The following XKRX variants were observed in gnomAD, a reference collection of about 807,000 sequenced individuals.
The protein encoded by XKRX is XK-related protein 2.
Under a neutral mutation model 22.4 loss-of-function variants are expected in XKRX, and 11 were observed. The ratio of observed to expected loss-of-function variants is 0.49; its 90% CI spans 0.31 to 0.81. The LOEUF is 0.81. Among genes scored for constraint, XKRX ranks in the 40% least tolerant of loss-of-function variants. The pLI, the probability that XKRX is intolerant of heterozygous loss-of-function variation, is 0.05. For synonymous variants in XKRX, 114 were observed against 132.2 expected, an observed-to-expected ratio of 0.86 and a Z score of 0.94; for missense variants, 320 against 336.5, an observed-to-expected ratio of 0.95 and a Z score of 0.38.
Position 100,923,035 on chromosome X carries a change from A to T in XKRX, c.362T>A (p.Leu121His). The T allele has an allele frequency of 1.7e-6, 2 of 1,211,737 alleles. No individual in the cohort carries two copies. Among genetic ancestry groups the T allele is most frequent in the South Asian group, 3.5e-5 (2 of 56,978 alleles). The change falls in exon 2 of 3, where the codon CTC becomes CAC. Residue 121 changes from leucine to histidine, a missense_variant. Physicochemically the swap from Leu to His is moderately conservative, Grantham distance 99. Transcript: ENST00000372956. ...IRCLEAMIKY[L>H]TLWKKEEQEE... ...CTGCTCCTCTTTCTTCCACAGTGTGAGGTACTTAATCATGGCCTCCAAACA... is the reference window on the plus strand; with the variant it reads ...CTGCTCCTCTTTCTTCCACAGTGTGTGGTACTTAATCATGGCCTCCAAACA...
At chrX:100,931,206 C>T (rs2085520934), upstream of XKRX, among the ~76,000 whole-genome samples, 2 of 109,597 alleles carry the variant, frequency 1.8e-5, no homozygotes, top group East Asian at 5.8e-4. Flanking sequence ...ATGTAGAATC[C>T]CAACGTTTAC....
intron 2 of XKRX, among the ~76,000 whole-genome samples, chrX:100,916,219 T>C (rs1469871406): frequency 9.0e-6 from 1 of 111,317 alleles, no homozygotes; most frequent in African/African-American, 3.3e-5. Context: ...ACACCTTGAA[T>C]ATATACAATA....
At chrX:100,896,971 T>C in the XKRX span, among the ~76,000 whole-genome samples, 1 of 112,287 alleles carries the variant, frequency 8.9e-6, no homozygotes, top group Non-Finnish European at 1.9e-5. Context: ...TAGAATACCT[T>C]CAAATTACTT....
At chrX:100,957,380 T>C in the XKRX span, 1 of 1,207,211 alleles carries the variant, frequency 8.3e-7, no homozygotes, top group Non-Finnish European at 1.1e-6. Context: ...AAAAACGCTG[T>C]GCTGATGAGC....
At chrX:100,959,316 T>C in the XKRX span, among the ~76,000 whole-genome samples, 2 of 111,721 alleles carry the variant, frequency 1.8e-5, no homozygotes, top group Admixed American at 9.6e-5. Context: ...CCAGAAAAAA[T>C]AAATTTTTAA....
chrX:100,913,757 T>C lies in XKRX; in HGVS notation c.*581A>G, dbSNP rs763084735. 59 of 113,299 alleles carry C rather than the reference T, an allele frequency of 5.2e-4. 1 individual carries two copies. The highest frequency in any genetic ancestry group is 1.8e-3 in the African/African-American group (56 of 31,046). The allele number at this position is 113,299 out of a possible 1,213,427, so 9.3% of individuals were successfully genotyped here. On this transcript the variant is annotated 3_prime_UTR_variant, in exon 3 of 3. Coordinates refer to ENST00000372956, the MANE Select transcript of XKRX (RefSeq NM_212559.3). ...AGAGAGGTCCTTGCTGAATGGCCAC[T>C]AGTAAAATCCTAACAGAGAGCTAAT... is the stretch of plus-strand genomic sequence containing the variant.
At chrX:100,908,387 G>A in the XKRX span, among the ~76,000 whole-genome samples, 145 of 111,592 alleles carry the variant, frequency 1.3e-3, no homozygotes, top group African/African-American at 4.6e-3. Context: ...AAAGTGCTGA[G>A]ATTACAGGTG....
chrX:100,898,706 C>T, the XKRX span, among the ~76,000 whole-genome samples: 1 of 110,715 alleles, frequency 9.0e-6, no homozygotes, highest in Non-Finnish European at 1.9e-5. Flanking sequence ...TCAGACTCCA[C>T]ATAAGCAGGA....
At chrX:100,901,027 T>G in the XKRX span, among the ~76,000 whole-genome samples, 1 of 110,841 alleles carries the variant, frequency 9.0e-6, no homozygotes, top group African/African-American at 3.3e-5. Context: ...CCTGACCTCG[T>G]GATCTGCCCG....
At chrX:100,915,197 G>T in intron 2 of XKRX, 114 bp from the exon 3 acceptor site, 1 of 801,932 alleles carries the variant, frequency 1.2e-6, no homozygotes, top group Non-Finnish European at 1.7e-6. Context: ...GAGAGCTCCA[G>T]TTAAGAGCAA....
the XKRX span, among the ~76,000 whole-genome samples, chrX:100,947,929 G>T: frequency 9.3e-6 from 1 of 107,915 alleles, no homozygotes; most frequent in Admixed American, 1.0e-4. Context: ...TGGAGACAGG[G>T]TCTGGCTCTT....
chrX:100,945,806 CAAAAAAAA>C, the XKRX span, among the ~76,000 whole-genome samples: 2 of 31,852 alleles, frequency 6.3e-5, no homozygotes, highest in Non-Finnish European at 1.1e-4. Flanking sequence ...ATTCTGTCTC[CAAAAAAAA>C]AAAAAAAAAA....
the XKRX span, among the ~76,000 whole-genome samples, chrX:100,905,426 T>G: frequency 8.9e-6 from 1 of 112,299 alleles, no homozygotes; most frequent in Non-Finnish European, 1.9e-5. Flanking sequence ...GGGCACACAC[T>G]GTGTGTGAAT....
At chrX:100,948,434 G>A in the XKRX span, among the ~76,000 whole-genome samples, 1 of 111,492 alleles carries the variant, frequency 9.0e-6, no homozygotes, top group Non-Finnish European at 1.9e-5. Context: ...AAAGGACAAG[G>A]TGGATTACCT....
upstream of XKRX, among the ~76,000 whole-genome samples, chrX:100,933,261 C>A (rs771036178): frequency 9.0e-6 from 1 of 110,635 alleles, no homozygotes; most frequent in South Asian, 3.8e-4. Context: ...GTGGGTAGAT[C>A]ACCTGAGGTC....
the XKRX span, among the ~76,000 whole-genome samples, chrX:100,892,307 G>T: frequency 9.0e-6 from 1 of 111,509 alleles, no homozygotes; most frequent in African/African-American, 3.3e-5. Flanking sequence ...ATAACTAAAA[G>T]AGTATAATGG....
In XKRX at chrX:100,928,029, T is replaced by G; in HGVS notation, c.276A>C (p.Leu92=). 2.5e-6 allele frequency: 3 copies of G among 1,210,552 alleles called. No individual in the cohort carries two copies. The highest frequency in any genetic ancestry group is 3.4e-6 in the Non-Finnish European group (3 of 895,048). ...QLTLIFVHRD[L]AKDKPLSLFM... The stretch of plus-strand genomic sequence containing the variant: ...ATAATGATAGCGGTTTATCTTTGGC[T>G]AGATCTCTGTGGACAAAAATGAGGG... The change falls in exon 1 of 3, where the codon CTA becomes CTC. Residue 92 remains leucine (L), a synonymous_variant. Transcript: ENST00000372956.
downstream of XKRX, chrX:100,911,599 A>G (rs2085407374): frequency 2.2e-6 from 1 of 458,534 alleles, no homozygotes; most frequent in Non-Finnish European, 3.9e-6. Flanking sequence ...TGCAATCATC[A>G]AGAGATTTAT....
Position 100,915,070 on chromosome X carries a change from T to C in XKRX, c.618A>G (p.Val206=), listed in dbSNP as rs2085427280. The C allele has an allele frequency of 1.7e-6, 2 of 1,206,318 alleles. No individual in the cohort carries two copies. Among genetic ancestry groups the C allele is most frequent in the South Asian group, 3.5e-5 (2 of 56,644 alleles). Residue 206 remains valine, a synonymous_variant, in exon 3 of 3, where the codon GTA becomes GTG. Transcript: ENST00000372956. ...CATAGGTGACAGATACCAGGGAAAA[T>C]ACCATTAGCACAACTGTTAAAAACA... ...EVPLGRVVLM[V]FSLVSVTYGA...
Sources: allele counts gnomAD v4.1 joint callset (sites outside exome capture counted in the v4.1 genomes callset), GRCh38; gene constraint gnomAD v4.1.1; transcripts MANE v1.5; gene names NCBI Gene and HGNC (gene_info 2026-07-23, HGNC 2026-07-21).